The following MTRR variants were observed in gnomAD, a reference collection of about 807,000 sequenced individuals.
The protein encoded by MTRR is 5-methyltetrahydrofolate-homocysteine methyltransferase reductase.
A neutral mutation model predicts 79.2 loss-of-function variants in MTRR; 63 were observed. The observed-to-expected ratio is 0.80, with a 90% CI of 0.65 to 0.98. The LOEUF is 0.98. Ranked by LOEUF, MTRR falls within the 50% of genes least tolerant of loss-of-function variation. The pLI is 0.00. For synonymous variants in MTRR, 355 were observed against 313.3 expected, an observed-to-expected ratio of 1.13 and a Z score of -1.41; for missense variants, 895 against 839.6, an observed-to-expected ratio of 1.07 and a Z score of -0.82.
At chr5:7,866,750 G>T, upstream of MTRR, 1 of 1,614,040 alleles carries the variant, frequency 6.2e-7, no homozygotes, top group Non-Finnish European at 8.5e-7. Flanking sequence ...TAATGATTTG[G>T]GTGGAAAATA....
At chr5:7,861,827 T>C (rs1054113583) in intron 1 of MTRR, 57 of 1,303,826 alleles carry the variant, frequency 4.4e-5, no homozygotes, top group Non-Finnish European at 5.2e-5. Context: ...TTCAATTGGC[T>C]TTATGATCAA....
intron 1 of MTRR, among the ~76,000 whole-genome samples, chr5:7,853,271 A>G (rs1203863981): frequency 1.3e-5 from 2 of 152,114 alleles, no homozygotes; most frequent in African/African-American, 2.4e-5. Context: ...CCTTTTGTTC[A>G]GTGCTTCTCC....
At chr5:7,887,348 G>A (rs1358984215) in intron 8 of MTRR, among the ~76,000 whole-genome samples, 1 of 151,856 alleles carries the variant, frequency 6.6e-6, no homozygotes, top group Non-Finnish European at 1.5e-5. Flanking sequence ...GCTCCCGGAA[G>A]TGGCCATTAA....
At chr5:7,881,963 T>C (rs1466429518) in intron 5 of MTRR, among the ~76,000 whole-genome samples, 3 of 152,228 alleles carry the variant, frequency 2.0e-5, no homozygotes, top group African/African-American at 7.2e-5. Flanking sequence ...GGTGTTCTCA[T>C]TGTCAAACAG....
chr5:7,873,025 T>G (rs1748253255), intron 2 of MTRR, among the ~76,000 whole-genome samples: 2 of 152,154 alleles, frequency 1.3e-5, no homozygotes, highest in African/African-American at 4.8e-5. Context: ...CTATTTCCTC[T>G]GATTTTTCTA....
At chr5:7,852,609 G>A (rs1162955222) in intron 1 of MTRR, among the ~76,000 whole-genome samples, 2 of 152,024 alleles carry the variant, frequency 1.3e-5, no homozygotes, top group African/African-American at 4.8e-5. Flanking sequence ...GCTTGGAGAT[G>A]GAGCACCATC....
At chr5:7,871,381 C>T (rs753926913) in intron 2 of MTRR, among the ~76,000 whole-genome samples, 2 of 152,176 alleles carry the variant, frequency 1.3e-5, no homozygotes, top group Non-Finnish European at 2.9e-5. Flanking sequence ...GTGTAAGGAT[C>T]TGGAAAAAAC....
Position 7,869,169 on chromosome 5 carries a change from G to C in MTRR, c.-72G>C, listed in dbSNP as rs1192004077. 3 of 1,612,428 alleles carry C rather than the reference G, an allele frequency of 1.9e-6. No individual in the cohort carries two copies. The highest frequency in any genetic ancestry group is 2.5e-6 in the Non-Finnish European group (3 of 1,179,840). On this transcript the variant is annotated 5_prime_UTR_variant, in exon 1 of 15. Transcript: ENST00000440940. ...CGTCAGTGCGCGCTGGCGCAAGGTT[G>C]GTGGAAGTCGCGTTGTGCAGGTTCG...
intron 4 of MTRR, 71 bp downstream of exon 4, chr5:7,875,446 T>C: frequency 7.7e-7 from 1 of 1,292,834 alleles, no homozygotes; most frequent in South Asian, 1.2e-5. Context: ...GTAAAACATG[T>C]CAGCTTTTCA....
chr5:7,879,980 C>G (rs1400559648), intron 5 of MTRR, among the ~76,000 whole-genome samples: 2 of 152,220 alleles, frequency 1.3e-5, no homozygotes, highest in African/African-American at 4.8e-5. Context: ...GTGCTACCCA[C>G]AGATCCTGAA....
At chr5:7,886,821 CAT>C in intron 8 of MTRR, 118 bp downstream of exon 8, 1 of 797,992 alleles carries the variant, frequency 1.3e-6, no homozygotes, top group Non-Finnish European at 2.1e-6. Context: ...ATCTTGATAG[CAT>C]GTTTTTAATA....
chr5:7,873,223 C>T (rs535090948), intron 2 of MTRR, 150 bp from the exon 3 acceptor site: 12 of 876,658 alleles, frequency 1.4e-5, no homozygotes, highest in Admixed American at 9.3e-5. Flanking sequence ...AAGCTGAGAG[C>T]GCCTAGTCAC....
At chr5:7,868,206 A>G (rs1579567441), upstream of MTRR, 4 of 398,568 alleles carry the variant, frequency 1.0e-5, no homozygotes, top group East Asian at 1.2e-4. Context: ...TCTGGAAAAA[A>G]AAAAAAAAAA....
intron 1 of MTRR, chr5:7,861,664 A>G (rs1561093902): frequency 6.2e-7 from 1 of 1,606,528 alleles, no homozygotes. Flanking sequence ...TGGTGAGAGA[A>G]GAAAGGAAAA....
rs565876499 is a variant in MTRR at position 7,871,085 on chromosome 5, T to A, written c.129+162T>A. On this transcript the variant is annotated intron_variant, in intron 2 of 14. Transcript: ENST00000440940. ...TATAGTAAGATATCACCAGCATTTT[T>A]TTAATATAGAAGTGTGTAGTTGAAT... is the stretch of plus-strand genomic sequence containing the variant. 5.7e-4 allele frequency among the ~76,000 whole-genome samples: 87 copies of A among 152,368 alleles called. 1 individual carries two copies. Among genetic ancestry groups the A allele is most frequent in the East Asian group, 3.9e-4 (2 of 5,194 alleles).
intron 6 of MTRR, 32 bp from the exon 7 acceptor site, chr5:7,885,669 A>T (rs374681147): frequency 5.0e-6 from 7 of 1,412,010 alleles, no homozygotes; most frequent in East Asian, 2.5e-5. Flanking sequence ...CGTATAATGT[A>T]TTTTTTTTTT....
At chr5:7,870,379 G>C in intron 1 of MTRR, 1 of 278,444 alleles carries the variant, frequency 3.6e-6, no homozygotes, top group South Asian at 4.0e-5. Context: ...TGTGGCTCAA[G>C]TTTTGTTCAG....
At chr5:7,865,891 CT>C (rs751672253), upstream of MTRR, 1 of 1,610,852 alleles carries the variant, frequency 6.2e-7, no homozygotes, top group Non-Finnish European at 8.5e-7. Context: ...ATAGTTCATG[CT>C]TTTACCTTAT....
Position 7,863,606 on chromosome 5 carries a change from G to A in MTRR, n.498+1549G>A, listed in dbSNP as rs541289423. Among the ~76,000 whole-genome samples, 24 of 152,272 alleles carry A rather than the reference G, an allele frequency of 1.6e-4. No homozygotes were observed. In the South Asian group the frequency reaches 4.6e-3, roughly 29 times the overall value. ...CTGGTCCTGAGCATTTTGGATAAGG[G>A]ATACTCAATCTGTAATGGAAAATGT... On this transcript the variant is annotated intron_variant and non_coding_transcript_variant, in intron 2 of 3. Coordinates refer to the MTRR transcript ENST00000502509.
Sources: gnomAD v4.1 joint callset for allele counts (sites outside exome capture counted in the v4.1 genomes callset) on GRCh38, gnomAD v4.1.1 for gene constraint, MANE v1.5 for transcripts, NCBI Gene and HGNC (gene_info 2026-07-23, HGNC 2026-07-21) for gene names.